SWAP70: variants seen among roughly 807,000 people sequenced by gnomAD.
SWAP70 encodes the protein switch-associated protein 70.
Under a neutral mutation model 80.2 loss-of-function variants are expected in SWAP70, and 34 were observed. That is an observed-to-expected ratio of 0.42 (90% CI 0.32 to 0.56). SWAP70 has a LOEUF of 0.56. SWAP70 is among the 20% of genes least tolerant of loss of function. The pLI is 0.09. For synonymous variants in SWAP70, 239 were observed against 238.5 expected, an observed-to-expected ratio of 1.00 and a Z score of -0.02; for missense variants, 578 against 690.7, an observed-to-expected ratio of 0.84 and a Z score of 1.83.
chr11:9,671,450 TTATAAATATATA>T (rs1337437957), intron 1 of SWAP70, among the ~76,000 whole-genome samples: 14 of 84,948 alleles, frequency 1.6e-4, no homozygotes, highest in Non-Finnish European at 2.4e-4. Flanking sequence ...AAAAATATAT[TTATAAATATATA>T]TATAAATATA....
At chr11:9,705,648 T>C (rs1413594253) in intron 2 of SWAP70, among the ~76,000 whole-genome samples, 1 of 144,896 alleles carries the variant, frequency 6.9e-6, no homozygotes, top group Non-Finnish European at 1.5e-5. Context: ...ATACACTTGG[T>C]GATCTGTATA....
intron 1 of SWAP70, among the ~76,000 whole-genome samples, chr11:9,670,434 A>G (rs1565108669): frequency 6.6e-6 from 1 of 152,168 alleles, no homozygotes; most frequent in African/African-American, 2.4e-5. Context: ...TTGAACACGA[A>G]AAGTTTTTTT....
At chr11:9,738,569 A>G (rs1396852507) in intron 8 of SWAP70, among the ~76,000 whole-genome samples, 1 of 151,982 alleles carries the variant, frequency 6.6e-6, no homozygotes, top group Non-Finnish European at 1.5e-5. Context: ...CAAGACTCCT[A>G]AGTGGAAATT....
Position 9,728,044 on chromosome 11 carries a change from C to G in SWAP70, c.643-9C>G, listed in dbSNP as rs370217378. On this transcript the variant is annotated splice_polypyrimidine_tract_variant and intron_variant, in intron 4 of 11. Coordinates refer to ENST00000318950, the MANE Select transcript of SWAP70 (RefSeq NM_015055.4). ...GACAATAATTTATATCACATTTAAT[C>G]TTTCACAGGGTTACATGATGAAAAA... 10 of 1,579,682 alleles carry G rather than the reference C, an allele frequency of 6.3e-6. No individual in the cohort carries two copies. Among genetic ancestry groups the G allele is most frequent in the Non-Finnish European group, 8.6e-6 (10 of 1,167,738 alleles).
chr11:9,729,210 A>T (rs436637), intron 5 of SWAP70, 133 bp from the exon 6 acceptor site: 403,581 of 653,644 alleles, frequency 0.62, 128,265 homozygotes, highest in Middle Eastern at 0.73. Flanking sequence ...AAACAGCATT[A>T]GTAAATCAGT....
At chr11:9,749,399 AC>A (rs1484876777) in intron 11 of SWAP70, among the ~76,000 whole-genome samples, 1 of 152,048 alleles carries the variant, frequency 6.6e-6, no homozygotes, top group Non-Finnish European at 1.5e-5. Context: ...GGTGCCCGCC[AC>A]CACGACCGGC....
intron 1 of SWAP70, among the ~76,000 whole-genome samples, chr11:9,674,759 T>C (rs1303063721): frequency 6.6e-6 from 1 of 150,988 alleles, no homozygotes. Flanking sequence ...GGTCAGGAGA[T>C]GGAGACCATC....
chr11:9,735,573 G>A (rs1354797623), intron 7 of SWAP70, among the ~76,000 whole-genome samples: 2 of 152,182 alleles, frequency 1.3e-5, no homozygotes, highest in South Asian at 4.1e-4. Context: ...TATGAAATCC[G>A]GGCTGATGGA....
At chr11:9,741,367 T>C (rs1157245097) in intron 9 of SWAP70, 1 of 152,188 alleles carries the variant, frequency 6.6e-6, no homozygotes, top group Non-Finnish European at 1.5e-5. Context: ...TTGCCAGGCA[T>C]ATATAGGCCC....
At chr11:9,743,586 G>A (rs889689091) in intron 9 of SWAP70, among the ~76,000 whole-genome samples, 5 of 151,468 alleles carry the variant, frequency 3.3e-5, no homozygotes, top group Non-Finnish European at 7.4e-5. Context: ...TTTAATGATT[G>A]CCATTCTAAC....
intron 9 of SWAP70, among the ~76,000 whole-genome samples, chr11:9,746,106 C>T (rs57864531): frequency 0.099 from 15,109 of 152,208 alleles, 1,913 homozygotes; most frequent in East Asian, 0.28. Flanking sequence ...TCTCTACTGG[C>T]TCTGCTTCTT....
intron 9 of SWAP70, 48 bp from the exon 10 acceptor site, chr11:9,747,810 G>A: frequency 1.3e-6 from 2 of 1,582,974 alleles, no homozygotes; most frequent in Non-Finnish European, 1.7e-6. Flanking sequence ...CTGGGTCAGG[G>A]TGGTGACCTG....
intron 4 of SWAP70, among the ~76,000 whole-genome samples, chr11:9,727,138 C>T (rs968444680): frequency 6.7e-6 from 1 of 149,552 alleles, no homozygotes; most frequent in African/African-American, 2.5e-5. Flanking sequence ...CGCCTATAAT[C>T]CCAGCACTTT....
In SWAP70 at chr11:9,732,722, C is replaced by T. The variant is rs751034689; in HGVS notation, c.1080+12C>T. ...AGGCCGTGCGGAAGGTGGGAATGGG[C>T]GCTGGGCTGGGAGAGGGCCCTTCAT... is the stretch of plus-strand genomic sequence containing the variant. On this transcript the variant is annotated intron_variant, in intron 7 of 11. Transcript: ENST00000318950. 30 of 1,537,776 alleles carry T rather than the reference C, an allele frequency of 2.0e-5. No individual in the cohort carries two copies. Among genetic ancestry groups the T allele is most frequent in the South Asian group, 1.7e-4 (14 of 82,208 alleles).
At chr11:9,734,851 C>A (rs1851343906) in intron 7 of SWAP70, among the ~76,000 whole-genome samples, 1 of 152,050 alleles carries the variant, frequency 6.6e-6, no homozygotes, top group Admixed American at 6.6e-5. Flanking sequence ...TCTCAAACTC[C>A]TGGGTTCAAG....
chr11:9,706,394 TC>T (rs1217989312), intron 2 of SWAP70, among the ~76,000 whole-genome samples: 3 of 152,216 alleles, frequency 2.0e-5, no homozygotes, highest in Admixed American at 6.5e-5. Context: ...TTGTTTTTTT[TC>T]CCCCCATTTT....
At chr11:9,721,827 C>T (rs899345468) in intron 3 of SWAP70, among the ~76,000 whole-genome samples, 1 of 152,024 alleles carries the variant, frequency 6.6e-6, no homozygotes, top group Non-Finnish European at 1.5e-5. Context: ...TGCAAACATG[C>T]ATGTCTATTT....
chr11:9,750,027 A>G lies in SWAP70; in HGVS notation c.*57A>G. The G allele has an allele frequency of 1.6e-6, 2 of 1,249,804 alleles. No homozygotes were observed. The highest frequency in any genetic ancestry group is 2.3e-6 in the Non-Finnish European group (2 of 858,150). 77.4% of individuals were successfully genotyped at this position (1,249,804 alleles called of 1,614,324 possible). A position where few individuals can be genotyped will look rare whatever the true frequency, so the allele number is the denominator to read the frequency against. On this transcript the variant is annotated 3_prime_UTR_variant, in exon 12 of 12. Transcript: ENST00000318950. The stretch of plus-strand genomic sequence containing the variant: ...AGATACTGCATGGCAGGAGAGCTTT[A>G]CGCTAAAGACAAAAGAAACAGCTTT...
At chr11:9,665,009 T>C (rs1850291626) in intron 1 of SWAP70, among the ~76,000 whole-genome samples, 1 of 150,900 alleles carries the variant, frequency 6.6e-6, no homozygotes, top group Non-Finnish European at 1.5e-5. Context: ...CCGGAGACCC[T>C]AGAGTATAGG....
Sources: gnomAD v4.1 joint callset for allele counts (sites outside exome capture counted in the v4.1 genomes callset) on GRCh38, gnomAD v4.1.1 for gene constraint, MANE v1.5 for transcripts, NCBI Gene and HGNC (gene_info 2026-07-23, HGNC 2026-07-21) for gene names.